PKN2: variants seen among roughly 807,000 people sequenced by gnomAD.
The protein encoded by PKN2 is serine/threonine-protein kinase N2.
A neutral mutation model predicts 119.1 loss-of-function variants in PKN2; 38 were observed. The observed-to-expected ratio is 0.32, with a 90% CI of 0.25 to 0.42. The LOEUF is 0.42. Among genes scored for constraint, PKN2 ranks in the 10% least tolerant of loss-of-function variants. PKN2 has a pLI of 1.00. For missense variants in PKN2, 850 were observed against 1,165.1 expected (o/e 0.73, Z 3.94); for synonymous variants, 390 against 384.9 (o/e 1.01, Z -0.15).
chr1:88,783,907 A>T (rs1226470568), intron 6 of PKN2, among the ~76,000 whole-genome samples: 1 of 152,214 alleles, frequency 6.6e-6, no homozygotes, highest in African/African-American at 2.4e-5. Context: ...ACATTTATTT[A>T]GTTATACAAA....
intron 17 of PKN2, among the ~76,000 whole-genome samples, chr1:88,823,895 G>A (rs1377994172): frequency 6.6e-6 from 1 of 150,662 alleles, no homozygotes; most frequent in Non-Finnish European, 1.5e-5. Flanking sequence ...TGTAGTCCCA[G>A]CTACTCGGGA....
chr1:88,723,586 T>A (rs1388838851), intron 1 of PKN2, among the ~76,000 whole-genome samples: 1 of 152,164 alleles, frequency 6.6e-6, no homozygotes, highest in Non-Finnish European at 1.5e-5. Context: ...CACACCCAGC[T>A]AATTCTTGTA....
chr1:88,737,114 C>T (rs1016046950), intron 1 of PKN2, among the ~76,000 whole-genome samples: 7 of 152,020 alleles, frequency 4.6e-5, no homozygotes, highest in African/African-American at 1.2e-4. Flanking sequence ...GTGGCCAGGA[C>T]GGCCACCGTA....
At chr1:88,809,632 CT>C (rs1452405266) in intron 15 of PKN2, among the ~76,000 whole-genome samples, 1 of 152,162 alleles carries the variant, frequency 6.6e-6, no homozygotes, top group African/African-American at 2.4e-5. Flanking sequence ...TTAATCCAGT[CT>C]TGTGTAGAGA....
Position 88,735,606 on chromosome 1 carries a change from C to CCCA in PKN2, c.49-5380_49-5379insACC, listed in dbSNP as rs1668311220. Among the ~76,000 whole-genome samples, 2 of 8,166 alleles carry CCCA rather than the reference C, an allele frequency of 2.4e-4. 1 individual carries two copies. The highest frequency in any genetic ancestry group is 0.011 in the East Asian group (2 of 186). 5.4% of individuals were successfully genotyped at this position (8,166 alleles called of 152,430 possible). A position where few individuals can be genotyped will look rare whatever the true frequency, so the allele number is the denominator to read the frequency against. On this transcript the variant is annotated intron_variant, in intron 1 of 21. Coordinates refer to ENST00000370521, the MANE Select transcript of PKN2 (RefSeq NM_006256.4). ...AGTATTCTTGGTTGACAGCCCACCC[C>CCCA]CCCCCCCCCCACCCCCAATCTTTTT...
At chr1:88,818,647 C>CA (rs199849657) in intron 16 of PKN2, among the ~76,000 whole-genome samples, 2,764 of 81,470 alleles carry the variant, frequency 0.034, 73 homozygotes, top group African/African-American at 0.081. Context: ...GACTCCTTCT[C>CA]AAAAAAAAAA....
At chr1:88,777,541 A>G (rs1432330022) in intron 6 of PKN2, among the ~76,000 whole-genome samples, 1 of 152,196 alleles carries the variant, frequency 6.6e-6, no homozygotes, top group Non-Finnish European at 1.5e-5. Context: ...TTTCTGCTAT[A>G]TGTTGAATGT....
chr1:88,766,115 A>C (rs1669659168), intron 3 of PKN2, among the ~76,000 whole-genome samples: 1 of 152,178 alleles, frequency 6.6e-6, no homozygotes, highest in African/African-American at 2.4e-5. Context: ...CCCTGGCCTG[A>C]TTCCACATTT....
chr1:88,732,963 T>C (rs1668200307), intron 1 of PKN2, among the ~76,000 whole-genome samples: 1 of 151,798 alleles, frequency 6.6e-6, no homozygotes, highest in Non-Finnish European at 1.5e-5. Flanking sequence ...CTCATAGAGG[T>C]AGAGAGTAGA....
chr1:88,745,475 A>G (rs946602776), intron 2 of PKN2, among the ~76,000 whole-genome samples: 3 of 152,230 alleles, frequency 2.0e-5, no homozygotes, highest in Admixed American at 2.0e-4. Flanking sequence ...TACTAACTAT[A>G]TAATATCTGA....
chr1:88,787,108 A>G (rs1407032096), intron 8 of PKN2, among the ~76,000 whole-genome samples: 2 of 151,974 alleles, frequency 1.3e-5, no homozygotes, highest in African/African-American at 4.8e-5. Context: ...AGAGTAGTAT[A>G]TGTAAAATAC....
Position 88,822,001 on chromosome 1 carries a change from T to C in PKN2, c.2340T>C (p.Tyr780=), listed in dbSNP as rs551601463. ...ATTTACATGAACACAAAATTGTTTA[T>C]AGGTAAGTTAATTTTTAATTTTTTC... ...LQYLHEHKIV[Y]RDLKLDNLLL... is the part of the protein sequence containing the mutation. Residue 780 remains tyrosine, a splice_region_variant and synonymous_variant, in exon 17 of 22, where the codon TAT becomes TAC. Coordinates refer to ENST00000370521, the MANE Select transcript of PKN2 (RefSeq NM_006256.4). The C allele has an allele frequency of 7.1e-6, 11 of 1,558,060 alleles. No homozygotes were observed. The East Asian group carries it at 2.3e-4, about 33-fold the overall frequency.
intron 10 of PKN2, 122 bp from the exon 11 acceptor site, chr1:88,805,375 A>T: frequency 1.2e-6 from 1 of 821,398 alleles, no homozygotes; most frequent in Non-Finnish European, 1.8e-6. Flanking sequence ...TAGTTTTTTT[A>T]AGTGACAAAT....
At chr1:88,792,332 G>A (rs1232429579) in intron 8 of PKN2, among the ~76,000 whole-genome samples, 1 of 152,182 alleles carries the variant, frequency 6.6e-6, no homozygotes, top group Non-Finnish European at 1.5e-5. Context: ...GAACCTGGGA[G>A]GCAGAGGTTG....
intron 3 of PKN2, among the ~76,000 whole-genome samples, chr1:88,769,252 A>G (rs1669789568): frequency 6.6e-6 from 1 of 152,178 alleles, no homozygotes; most frequent in Non-Finnish European, 1.5e-5. Context: ...AGCTTTATTA[A>G]GAAGGTCTCA....
intron 1 of PKN2, among the ~76,000 whole-genome samples, chr1:88,717,728 T>C (rs544675685): frequency 5.0e-4 from 76 of 152,182 alleles, no homozygotes; most frequent in Non-Finnish European, 9.0e-4. Flanking sequence ...TTCCTTGCGA[T>C]GGGTTCGAAC....
Position 88,760,271 on chromosome 1 carries a change from T to C in PKN2, c.399T>C (p.Thr133=). ...CAAATAATGACCCTCGTTGTTCTAC[T>C]AGCAACAATAGATTGAAGGCCTTAC... ...DTPNNDPRCS[T]SNNRLKALQK... Residue 133 remains threonine (T), a synonymous_variant, in exon 3 of 22, where the codon ACT becomes ACC. Transcript: ENST00000370521. The C allele has an allele frequency of 6.3e-7, 1 of 1,577,296 alleles. No homozygotes were observed. The highest frequency in any genetic ancestry group is 8.7e-7 in the Non-Finnish European group (1 of 1,149,396).
In PKN2 at chr1:88,724,882, G is replaced by GTTTTT. The variant is rs60507382; in HGVS notation, c.49-16090_49-16086dup. On this transcript the variant is annotated intron_variant, in intron 1 of 21. Coordinates refer to ENST00000370521, the MANE Select transcript of PKN2 (RefSeq NM_006256.4). ...CCACTGTGCCCGCCCCCACCCCTTGGTTTTTTTTTTTTTTTTTTTTCCTTC... is the reference window on the plus strand; with the variant it reads ...CCACTGTGCCCGCCCCCACCCCTTGGTTTTTTTTTTTTTTTTTTTTTTTTTCCTTC... 1.9e-3 allele frequency among the ~76,000 whole-genome samples: 199 copies of GTTTTT among 105,962 alleles called. 4 individuals are homozygous for GTTTTT. Among genetic ancestry groups the GTTTTT allele is most frequent in the African/African-American group, 8.1e-3 (190 of 23,466 alleles). The allele number at this position is 105,962 out of a possible 152,430, so 69.5% of individuals were successfully genotyped here.
chr1:88,797,477 A>G (rs1305832162), intron 8 of PKN2, among the ~76,000 whole-genome samples: 1 of 151,506 alleles, frequency 6.6e-6, no homozygotes, highest in East Asian at 1.9e-4. Context: ...CCCTGTCTCT[A>G]CTAAATATAC....
Sources: gnomAD v4.1 joint callset for allele counts (sites outside exome capture counted in the v4.1 genomes callset) on GRCh38, gnomAD v4.1.1 for gene constraint, MANE v1.5 for transcripts, NCBI Gene and HGNC (gene_info 2026-07-23, HGNC 2026-07-21) for gene names.